The following PRKN variants were observed in gnomAD, a reference collection of about 807,000 sequenced individuals.
PRKN encodes parkin RBR E3 ubiquitin protein ligase, also known as E3 ubiquitin-protein ligase parkin.
A neutral mutation model predicts 59.5 loss-of-function variants in PRKN; 56 were observed. That is an observed-to-expected ratio of 0.94 (90% CI 0.76 to 1.18). The LOEUF (loss-of-function observed/expected upper bound fraction) is 1.18, where lower values mean the gene tolerates loss of function less well. Among genes scored for constraint, PRKN ranks in the 50% most tolerant of loss-of-function variants. The pLI is 0.00. For missense variants in PRKN, 657 were observed against 596.4 expected (o/e 1.10, Z -1.06); for synonymous variants, 250 against 222.1 (o/e 1.13, Z -1.12).
intron 2 of PRKN, among the ~76,000 whole-genome samples, chr6:162,404,369 G>A (rs77521019): frequency 0.11 from 14,528 of 133,726 alleles, 914 homozygotes; most frequent in African/African-American, 0.19. Flanking sequence ...GACTCTGTCA[G>A]AAAAAAAAAA....
In PRKN at chr6:161,854,596, C is replaced by T. The variant is rs12110851; in HGVS notation, c.735-68688G>A. Reference sequence around the variant, plus strand: ...ATAACTGCACTTACATACAGTTATACATATACCTACATCTAATGTAGTTAT... The same window carrying T: ...ATAACTGCACTTACATACAGTTATATATATACCTACATCTAATGTAGTTAT... On this transcript the variant is annotated intron_variant, in intron 6 of 11. Coordinates refer to ENST00000366898, the MANE Select transcript of PRKN (RefSeq NM_004562.3). Among the ~76,000 whole-genome samples the T allele has an allele frequency of 4.1e-3, 618 of 152,172 alleles. 3 individuals carry two copies. The highest frequency in any genetic ancestry group is 0.014 in the African/African-American group (578 of 41,512).
chr6:161,604,024 G>T (rs1244631505), intron 7 of PRKN, among the ~76,000 whole-genome samples: 1 of 152,204 alleles, frequency 6.6e-6, no homozygotes, highest in Non-Finnish European at 1.5e-5. Flanking sequence ...CACCAAATCT[G>T]CCAGAGACTT....
At chr6:162,117,042 G>T (rs548067965) in intron 4 of PRKN, among the ~76,000 whole-genome samples, 1 of 152,288 alleles carries the variant, frequency 6.6e-6, no homozygotes, top group South Asian at 2.1e-4. Context: ...AACTGTCCAG[G>T]ATGGTTTCTG....
intron 1 of PRKN, among the ~76,000 whole-genome samples, chr6:162,719,414 G>C (rs1778849309): frequency 6.6e-6 from 1 of 152,096 alleles, no homozygotes; most frequent in Non-Finnish European, 1.5e-5. Context: ...CGAATTTCAA[G>C]GGTGGAGAGA....
intron 1 of PRKN, among the ~76,000 whole-genome samples, chr6:162,579,364 G>A (rs1472047610): frequency 3.9e-5 from 6 of 151,972 alleles, no homozygotes; most frequent in Non-Finnish European, 7.4e-5. Context: ...CACTGTAGTG[G>A]AGGGTGCCTC....
At chr6:161,768,396 C>T (rs1475057137) in intron 7 of PRKN, among the ~76,000 whole-genome samples, 2 of 152,122 alleles carry the variant, frequency 1.3e-5, no homozygotes, top group South Asian at 2.1e-4. Context: ...GTAGCAGCAA[C>T]GTAACTTTGA....
intron 6 of PRKN, among the ~76,000 whole-genome samples, chr6:161,891,271 T>C (rs1266353056): frequency 6.6e-6 from 1 of 152,164 alleles, no homozygotes; most frequent in Non-Finnish European, 1.5e-5. Flanking sequence ...ACAGCCAAGT[T>C]CATGGGCGCC....
chr6:161,596,684 A>G (rs986865659), intron 7 of PRKN, among the ~76,000 whole-genome samples: 2 of 152,122 alleles, frequency 1.3e-5, no homozygotes, highest in Non-Finnish European at 2.9e-5. Flanking sequence ...AAGTCGGTGC[A>G]TTTCTGTCTG....
chr6:161,456,846 A>G lies in PRKN; in HGVS notation c.1084-69969T>C, dbSNP rs1286899035. Among the ~76,000 whole-genome samples, 1 of 151,964 alleles carries G rather than the reference A, an allele frequency of 6.6e-6. No homozygotes were observed. The highest frequency in any genetic ancestry group is 1.5e-5 in the Non-Finnish European group (1 of 68,026). On this transcript the variant is annotated intron_variant, in intron 9 of 11. Coordinates refer to ENST00000366898, the MANE Select transcript of PRKN (RefSeq NM_004562.3). This position sits in a 1 kb window ranked among gnomAD's most constrained non-coding sequence, Gnocchi z 4.8. ...GAGCTCAGGGCTTCCTCAGGAGAAG[A>G]GATGGTCTCATTGCTCAGGGAACCT...
intron 4 of PRKN, among the ~76,000 whole-genome samples, chr6:162,147,828 T>C (rs1459929628): frequency 6.6e-6 from 1 of 152,142 alleles, no homozygotes; most frequent in Non-Finnish European, 1.5e-5. Context: ...CATTACAGGG[T>C]TATAATTTTA....
chr6:162,437,485 TA>T (rs1051402276), intron 2 of PRKN, among the ~76,000 whole-genome samples: 5 of 152,170 alleles, frequency 3.3e-5, no homozygotes, highest in Non-Finnish European at 7.3e-5. Context: ...CTAGACGTTA[TA>T]ATTGTACTAT....
chr6:161,724,326 AT>A (rs1456415121), intron 7 of PRKN, among the ~76,000 whole-genome samples: 2 of 152,244 alleles, frequency 1.3e-5, no homozygotes, highest in African/African-American at 4.8e-5. Context: ...ACATGTGCTA[AT>A]GCAGAAAAGC....
intron 2 of PRKN, among the ~76,000 whole-genome samples, chr6:162,338,406 G>C (rs1165716337): frequency 2.0e-5 from 3 of 149,724 alleles, no homozygotes; most frequent in Non-Finnish European, 4.4e-5. Context: ...GCTACTGCAG[G>C]CACGCGCCGC....
rs1282417312 is a variant in PRKN at position 161,379,607 on chromosome 6, G to T, written c.1167+7187C>A. On this transcript the variant is annotated intron_variant, in intron 10 of 11. Coordinates refer to ENST00000366898, the MANE Select transcript of PRKN (RefSeq NM_004562.3). This position sits in a 1 kb window ranked among gnomAD's most constrained non-coding sequence, Gnocchi z 4.9. Reference sequence around the variant, plus strand: ...CGGGAAGTGCCCCCAGCTGAAGAAAGCTGCTTCACCCAAAGCCTTTCTTCC... The same window carrying T: ...CGGGAAGTGCCCCCAGCTGAAGAAATCTGCTTCACCCAAAGCCTTTCTTCC... 6.6e-6 allele frequency among the ~76,000 whole-genome samples: 1 copy of T among 152,176 alleles called. No homozygotes were observed. Among genetic ancestry groups the T allele is most frequent in the Non-Finnish European group, 1.5e-5 (1 of 68,032 alleles).
intron 8 of PRKN, among the ~76,000 whole-genome samples, chr6:161,567,651 G>A (rs1012612683): frequency 2.4e-4 from 36 of 152,134 alleles, no homozygotes; most frequent in African/African-American, 8.2e-4. Context: ...AAAACTAATC[G>A]TAGTGATATT....
chr6:162,216,014 C>T (rs1384217295), intron 3 of PRKN, among the ~76,000 whole-genome samples: 1 of 152,026 alleles, frequency 6.6e-6, no homozygotes, highest in Non-Finnish European at 1.5e-5. Flanking sequence ...CACCACTGCA[C>T]TCCAGCCTGC....
intron 1 of PRKN, among the ~76,000 whole-genome samples, chr6:162,464,552 A>G (rs1733511799): frequency 6.6e-6 from 1 of 151,622 alleles, no homozygotes; most frequent in African/African-American, 2.4e-5. Flanking sequence ...GCAGTGGCTC[A>G]TGCCTGTAAT....
chr6:161,444,111 T>TGGACTGGG lies in PRKN; in HGVS notation c.1084-57242_1084-57235dup, dbSNP rs1325379670. On this transcript the variant is annotated intron_variant, in intron 9 of 11. Coordinates refer to ENST00000366898, the MANE Select transcript of PRKN (RefSeq NM_004562.3). This position sits in a 1 kb window ranked among gnomAD's most constrained non-coding sequence, Gnocchi z 5.6. ...GGTGAGCTCTGGAGCTTCTGGCTCC[T>TGGACTGGG]GGACTGGGGGACTGGGAATCGGCCA... 6.6e-6 allele frequency among the ~76,000 whole-genome samples: 1 copy of TGGACTGGG among 152,182 alleles called. No homozygotes were observed. The highest frequency in any genetic ancestry group is 1.5e-5 in the Non-Finnish European group (1 of 68,024).
At chr6:162,261,004 G>A (rs565941142) in intron 3 of PRKN, among the ~76,000 whole-genome samples, 1 of 152,262 alleles carries the variant, frequency 6.6e-6, no homozygotes, top group East Asian at 1.9e-4. Context: ...AGGGACAACT[G>A]TACATGTGAG....
Sources: gnomAD v4.1 joint callset for allele counts (sites outside exome capture counted in the v4.1 genomes callset) on GRCh38, gnomAD v4.1.1 for gene constraint, Gnocchi (gnomAD v3.1) non-coding constraint, MANE v1.5 for transcripts, NCBI Gene and HGNC (gene_info 2026-07-23, HGNC 2026-07-21) for gene names.